BRWD3: variants seen among roughly 807,000 people sequenced by gnomAD.
BRWD3 encodes bromodomain and WD repeat domain containing 3.
A neutral mutation model predicts 149.7 loss-of-function variants in BRWD3; 10 were observed. The observed-to-expected ratio is 0.07, with a 90% CI of 0.04 to 0.11. The LOEUF (loss-of-function observed/expected upper bound fraction) is 0.11. Among genes scored for constraint, BRWD3 ranks in the 10% least tolerant of loss-of-function variants. The pLI is 1.00. For missense variants in BRWD3, 940 were observed against 1,373.2 expected (o/e 0.68, Z 4.99); for synonymous variants, 504 against 456.7 (o/e 1.10, Z -1.32).
Position 80,675,698 on chromosome X carries a change from T to C in BRWD3, c.*911A>G, listed in dbSNP as rs772351163. 3.6e-5 allele frequency: 4 copies of C among 111,860 alleles called. No individual in the cohort carries two copies. The South Asian group carries it at 1.5e-3, about 41-fold the overall frequency. The allele number at this position is 111,860 out of a possible 1,213,427, so 9.2% of individuals were successfully genotyped here. ...AGTTGTAGTTAAGAGGTAGCTGAGC[T>C]ACTGTTCAAAGAAGTTGTTCTTTGT... On this transcript the variant is annotated 3_prime_UTR_variant, in exon 41 of 41. Coordinates refer to ENST00000373275, the MANE Select transcript of BRWD3 (RefSeq NM_153252.5).
chrX:80,698,322 G>C (rs1186127141), intron 25 of BRWD3, among the ~76,000 whole-genome samples: 1 of 112,019 alleles, frequency 8.9e-6, no homozygotes, highest in East Asian at 2.8e-4. Context: ...AGCAAAGCTA[G>C]AATTGAAATC....
At position 80,798,285 on chromosome X, in the gene BRWD3, T is replaced by C. The variant is rs1474267660; in HGVS notation, c.181-4513A>G. On this transcript the variant is annotated intron_variant, in intron 4 of 40. Coordinates refer to ENST00000373275, the MANE Select transcript of BRWD3 (RefSeq NM_153252.5). ...AAAATGTTTCTTCTAAATCAAACTTTAGGTCTTATAAGGGTAGTTAACTGC... is the reference window on the plus strand; with the variant it reads ...AAAATGTTTCTTCTAAATCAAACTTCAGGTCTTATAAGGGTAGTTAACTGC... 2.7e-5 allele frequency among the ~76,000 whole-genome samples: 3 copies of C among 111,231 alleles called. No individual in the cohort carries two copies. In the East Asian group the frequency reaches 8.4e-4, roughly 31 times the overall value.
intron 8 of BRWD3, among the ~76,000 whole-genome samples, chrX:80,743,116 A>G (rs2073541103): frequency 9.0e-6 from 1 of 111,709 alleles, no homozygotes; most frequent in Non-Finnish European, 1.9e-5. Context: ...GCGTTGTTGA[A>G]TTTTGTCAAA....
intron 27 of BRWD3, among the ~76,000 whole-genome samples, chrX:80,693,982 T>C (rs1383174193): frequency 1.8e-5 from 2 of 111,223 alleles, no homozygotes; most frequent in Admixed American, 1.9e-4. Flanking sequence ...GAAAATGTCT[T>C]CCAGGGCATG....
chrX:80,797,746 T>G (rs1315009972), intron 4 of BRWD3, among the ~76,000 whole-genome samples: 1 of 111,798 alleles, frequency 8.9e-6, no homozygotes, highest in Non-Finnish European at 1.9e-5. Flanking sequence ...AATAGAAAAT[T>G]GCTCGATTTC....
chrX:80,780,234 T>C lies in BRWD3; in HGVS notation c.430+11620A>G, dbSNP rs955702404. On this transcript the variant is annotated intron_variant, in intron 6 of 40. Transcript: ENST00000373275. Reference sequence around the variant, plus strand: ...TACTGAGTTAAACATATAGAACAAATATCAAAAGATTAATACTTTGGTGTA... The same window carrying C: ...TACTGAGTTAAACATATAGAACAAACATCAAAAGATTAATACTTTGGTGTA... Among the ~76,000 whole-genome samples, 18 of 110,576 alleles carry C rather than the reference T, an allele frequency of 1.6e-4. 1 individual carries two copies. Among genetic ancestry groups the C allele is most frequent in the African/African-American group, 5.6e-4 (17 of 30,439 alleles).
chrX:80,733,447 C>T lies in BRWD3; in HGVS notation c.1127+9G>A, dbSNP rs753789628. The T allele has an allele frequency of 8.5e-7, 1 of 1,183,074 alleles. No homozygotes were observed. Among genetic ancestry groups the T allele is most frequent in the Non-Finnish European group, 1.1e-6 (1 of 871,456 alleles). ...CATTTGTTTACACAAATATGTATTACATAATTACCTGTCTCCATTGTTACA... is the reference window on the plus strand; with the variant it reads ...CATTTGTTTACACAAATATGTATTATATAATTACCTGTCTCCATTGTTACA... On this transcript the variant is annotated intron_variant, in intron 12 of 40. Coordinates refer to ENST00000373275, the MANE Select transcript of BRWD3 (RefSeq NM_153252.5).
In BRWD3 at chrX:80,670,278, G is replaced by C. The variant is rs11266586; in HGVS notation, c.*6331C>G. Among the ~76,000 whole-genome samples the C allele has an allele frequency of 0.16, 18,217 of 110,691 alleles. 1,149 individuals carry two copies. The highest frequency in any genetic ancestry group is 0.43 in the South Asian group (1,124 of 2,632). On this transcript the variant is annotated 3_prime_UTR_variant, in exon 41 of 41. Transcript: ENST00000373275. ...ATGACCTGAGAAAGCAACTGTAAGC[G>C]TATAGGCTTAACTATCCCACCAAAA...
chrX:80,762,788 G>A (rs1013572862), intron 6 of BRWD3, among the ~76,000 whole-genome samples: 8 of 111,418 alleles, frequency 7.2e-5, no homozygotes, highest in East Asian at 5.7e-4. Context: ...TACAAAACAG[G>A]TTATATTCCC....
At chrX:80,769,231 A>G (rs948265919) in intron 6 of BRWD3, among the ~76,000 whole-genome samples, 8 of 111,669 alleles carry the variant, frequency 7.2e-5, no homozygotes, top group African/African-American at 2.6e-4. Flanking sequence ...TCAGCTCTGC[A>G]ACAAGCAGAC....
intron 40 of BRWD3, 30 bp downstream of exon 40, chrX:80,681,311 T>C (rs756784981): frequency 8.4e-7 from 1 of 1,189,440 alleles, no homozygotes; most frequent in South Asian, 1.8e-5. Flanking sequence ...AAATAAATAA[T>C]AAATGTCTTG....
At chrX:80,785,916 G>T (rs1016232862) in intron 6 of BRWD3, among the ~76,000 whole-genome samples, 2 of 111,926 alleles carry the variant, frequency 1.8e-5, no homozygotes, top group African/African-American at 6.5e-5. Flanking sequence ...TGTAATCCCA[G>T]TTACTTGGGA....
chrX:80,790,613 A>C (rs1190941731), intron 6 of BRWD3, among the ~76,000 whole-genome samples: 2 of 111,397 alleles, frequency 1.8e-5, no homozygotes, highest in African/African-American at 6.5e-5. Flanking sequence ...AGAAGTTTGA[A>C]AGTATATGCT....
In BRWD3 at chrX:80,735,163, G is replaced by A. The variant is rs1379941694; in HGVS notation, c.949C>T (p.Pro317Ser). ...GATGAACAAGATATCTGGACTCCAG[G>A]TCTGGATCTCTCAGTAAATTTCACC... ...RPVKFTERSRPGVQISCSSFS... is the reference protein window; with the variant it reads ...RPVKFTERSRSGVQISCSSFS... Residue 317 changes from proline (P) to serine (S), a missense_variant, in exon 10 of 41, where the codon CCT becomes TCT. Physicochemically the swap from Pro to Ser is moderately conservative, Grantham distance 74 (BLOSUM62 -1). This residue lies in a region of BRWD3 where 209 missense variants were observed against 396.8 expected (regional missense o/e 0.53). Coordinates refer to ENST00000373275, the MANE Select transcript of BRWD3 (RefSeq NM_153252.5). 1 of 1,207,841 alleles carries A rather than the reference G, an allele frequency of 8.3e-7. No individual in the cohort carries two copies. The highest frequency in any genetic ancestry group is 1.1e-6 in the Non-Finnish European group (1 of 892,317).
chrX:80,722,095 G>A (rs1004788357), intron 17 of BRWD3, among the ~76,000 whole-genome samples: 2 of 111,933 alleles, frequency 1.8e-5, no homozygotes, highest in Admixed American at 9.5e-5. Flanking sequence ...TAATCCACCC[G>A]CCTTGGCCTC....
intron 6 of BRWD3, among the ~76,000 whole-genome samples, chrX:80,752,310 A>G (rs1160776239): frequency 9.0e-6 from 1 of 111,433 alleles, no homozygotes; most frequent in Non-Finnish European, 1.9e-5. Flanking sequence ...ACTGATGGAC[A>G]CTTAAGTTGA....
rs1210720083 is a variant in BRWD3 at position 80,808,532 on chromosome X, T to C, written c.180+7A>G. The C allele has an allele frequency of 1.7e-6, 2 of 1,205,057 alleles. No homozygotes were observed. The highest frequency in any genetic ancestry group is 2.2e-6 in the Non-Finnish European group (2 of 891,517). The stretch of plus-strand genomic sequence containing the variant: ...TTAGGTTAAGTTGAAATGAAAACTT[T>C]ACTCACCAGATCCTCGAAGCTTCTT... On this transcript the variant is annotated splice_region_variant and intron_variant, in intron 4 of 40. Transcript: ENST00000373275.
Position 80,681,417 on chromosome X carries a change from T to A in BRWD3, c.4578A>T (p.Gly1526=). The A allele has an allele frequency of 8.3e-7, 1 of 1,209,750 alleles. No homozygotes were observed. The highest frequency in any genetic ancestry group is 1.1e-6 in the Non-Finnish European group (1 of 893,968). Residue 1526 remains glycine, a synonymous_variant, in exon 40 of 41, where the codon GGA becomes GGT. Transcript: ENST00000373275. The part of the protein sequence containing the change: ...DGPFSSSSFG[G]YSRSGNSHDP... ...CATGGCTATTTCCACTTCGGCTATA[T>A]CCACCGAAGCTCGATGAAGAAAATG...
intron 6 of BRWD3, among the ~76,000 whole-genome samples, chrX:80,758,130 C>T (rs972150511): frequency 6.3e-5 from 7 of 110,754 alleles, no homozygotes; most frequent in African/African-American, 2.3e-4. Context: ...ACCTGGGAGG[C>T]GGAGGTTGTG....
Sources: allele counts gnomAD v4.1 joint callset (sites outside exome capture counted in the v4.1 genomes callset), GRCh38; gene constraint gnomAD v4.1.1; regional missense constraint gnomAD v4.1.1; transcripts MANE v1.5; gene names NCBI Gene and HGNC (gene_info 2026-07-23, HGNC 2026-07-21).